OLA1: variants seen among roughly 807,000 people sequenced by gnomAD.
The protein encoded by OLA1 is Obg like ATPase 1.
OLA1 carries 14 observed loss-of-function variants against 48.4 expected under a neutral mutation model. The observed-to-expected ratio is 0.29, with a 90% CI of 0.19 to 0.45. OLA1 has a LOEUF of 0.45. OLA1 is among the 20% of genes least tolerant of loss of function. The pLI is 1.00. For synonymous variants in OLA1, 127 were observed against 150.4 expected (o/e 0.84, Z 1.14); for missense variants, 325 against 467.1 (o/e 0.70, Z 2.80).
intron 7 of OLA1, among the ~76,000 whole-genome samples, chr2:174,092,127 C>CA (rs10542498): frequency 0.1 from 8,667 of 84,518 alleles, 424 homozygotes; most frequent in Non-Finnish European, 0.16. Flanking sequence ...AACTCCATCT[C>CA]AAAAAAAAAA....
intron 7 of OLA1, among the ~76,000 whole-genome samples, chr2:174,096,218 A>T (rs1685252655): frequency 6.6e-6 from 1 of 152,256 alleles, no homozygotes; most frequent in African/African-American, 2.4e-5. Flanking sequence ...AATAGCCTCA[A>T]TAGGCAAATC....
chr2:174,238,298 C>CCAG (rs1422191974), intron 2 of OLA1, among the ~76,000 whole-genome samples: 3 of 152,046 alleles, frequency 2.0e-5, no homozygotes, highest in Admixed American at 6.6e-5. Context: ...GAGTTTGAGA[C>CCAG]CAGCCTGGGT....
intron 4 of OLA1, among the ~76,000 whole-genome samples, chr2:174,185,990 G>A (rs1687649392): frequency 6.6e-6 from 1 of 151,976 alleles, no homozygotes. Flanking sequence ...TTACATAAGA[G>A]AATAACACAT....
intron 5 of OLA1, among the ~76,000 whole-genome samples, chr2:174,140,821 T>C (rs928597001): frequency 2.0e-5 from 3 of 152,238 alleles, no homozygotes; most frequent in African/African-American, 7.2e-5. Context: ...AATTGGTTGA[T>C]AATTACCCCA....
Position 174,074,507 on chromosome 2 carries a change from T to A in OLA1, c.*919A>T, listed in dbSNP as rs926449909. 1.3e-5 allele frequency: 2 copies of A among 152,172 alleles called. No homozygotes were observed. The highest frequency in any genetic ancestry group is 2.9e-5 in the Non-Finnish European group (2 of 68,032). 9.4% of individuals were successfully genotyped at this position (152,172 alleles called of 1,614,324 possible). A position where few individuals can be genotyped will look rare whatever the true frequency, so the allele number is the denominator to read the frequency against. On this transcript the variant is annotated 3_prime_UTR_variant, in exon 11 of 11. Coordinates refer to ENST00000284719, the MANE Select transcript of OLA1 (RefSeq NM_013341.5). ...AGTAAGAATGAAAGAATTTTTAAAA[T>A]TTTCAAAGTCTGATCTTAGTATTTC...
At chr2:174,228,449 A>G (rs1688659858) in intron 3 of OLA1, among the ~76,000 whole-genome samples, 1 of 152,168 alleles carries the variant, frequency 6.6e-6, no homozygotes, top group Non-Finnish European at 1.5e-5. Context: ...ATGGAAGGAT[A>G]TATCCCCAAA....
chr2:174,215,106 T>C lies in OLA1; in HGVS notation c.373+7927A>G, dbSNP rs959993104. Among the ~76,000 whole-genome samples, 5 of 151,686 alleles carry C rather than the reference T, an allele frequency of 3.3e-5. No individual in the cohort carries two copies. In the South Asian group the frequency reaches 1.0e-3, roughly 32 times the overall value. ...TTCGGAAGAAAATAAGAGCAATATT[T>C]CCAAAACAACAAGAATGAAAAGAAC... On this transcript the variant is annotated intron_variant, in intron 4 of 10. Transcript: ENST00000284719.
At chr2:174,116,381 T>C (rs973250467) in intron 7 of OLA1, among the ~76,000 whole-genome samples, 1 of 152,200 alleles carries the variant, frequency 6.6e-6, no homozygotes, top group Non-Finnish European at 1.5e-5. Context: ...GCTTTCTAGG[T>C]CAATTTAGAA....
At chr2:174,235,221 C>G (rs1344368455) in intron 2 of OLA1, among the ~76,000 whole-genome samples, 1 of 152,052 alleles carries the variant, frequency 6.6e-6, no homozygotes, top group Non-Finnish European at 1.5e-5. Context: ...CTAAGGCACA[C>G]AGTTACTGCT....
At chr2:174,114,687 G>A (rs928714236) in intron 7 of OLA1, among the ~76,000 whole-genome samples, 1 of 152,086 alleles carries the variant, frequency 6.6e-6, no homozygotes, top group Non-Finnish European at 1.5e-5. Context: ...GAATACTGAT[G>A]ACTACCCCTT....
chr2:174,158,340 T>C (rs958234801), intron 4 of OLA1, among the ~76,000 whole-genome samples: 1 of 152,086 alleles, frequency 6.6e-6, no homozygotes, highest in Non-Finnish European at 1.5e-5. Context: ...AATGAAACTT[T>C]TGGACCCACA....
chr2:174,220,041 A>C (rs1049026286), intron 4 of OLA1, among the ~76,000 whole-genome samples: 2 of 152,148 alleles, frequency 1.3e-5, no homozygotes, highest in Non-Finnish European at 2.9e-5. Flanking sequence ...TTGAGGCACG[A>C]GAATTGCTAG....
chr2:174,156,556 C>T (rs1686882853), intron 4 of OLA1, among the ~76,000 whole-genome samples: 1 of 145,912 alleles, frequency 6.9e-6, no homozygotes, highest in Admixed American at 6.9e-5. Flanking sequence ...CTTGCTCATG[C>T]TGGCTTGTTT....
At chr2:174,096,261 G>A (rs1685253431) in intron 7 of OLA1, among the ~76,000 whole-genome samples, 1 of 152,170 alleles carries the variant, frequency 6.6e-6, no homozygotes, top group Non-Finnish European at 1.5e-5. Flanking sequence ...GTGGTTACCA[G>A]GGATTAGGTT....
At chr2:174,182,262 C>T (rs767758710) in intron 4 of OLA1, among the ~76,000 whole-genome samples, 1 of 152,162 alleles carries the variant, frequency 6.6e-6, no homozygotes, top group African/African-American at 2.4e-5. Context: ...CGGTGGCTCA[C>T]GCCTGTAATC....
intron 2 of OLA1, among the ~76,000 whole-genome samples, chr2:174,232,845 T>C (rs1688763888): frequency 6.6e-6 from 1 of 152,188 alleles, no homozygotes; most frequent in Non-Finnish European, 1.5e-5. Context: ...GATCCAGCAA[T>C]CTCACTTCTG....
chr2:174,243,986 T>C (rs1689070735), intron 2 of OLA1, among the ~76,000 whole-genome samples: 1 of 152,178 alleles, frequency 6.6e-6, no homozygotes, highest in South Asian at 2.1e-4. Flanking sequence ...CGGATTTCCT[T>C]ACTCAGGAAT....
intron 7 of OLA1, among the ~76,000 whole-genome samples, chr2:174,097,947 A>C (rs999386771): frequency 6.6e-6 from 1 of 152,158 alleles, no homozygotes; most frequent in African/African-American, 2.4e-5. Flanking sequence ...TGTGGGGTAT[A>C]TGTAGTTTCA....
chr2:174,162,007 C>CA (rs1687023256), intron 4 of OLA1, among the ~76,000 whole-genome samples: 1 of 151,876 alleles, frequency 6.6e-6, no homozygotes, highest in African/African-American at 2.4e-5. Flanking sequence ...ACCATGGCAT[C>CA]AAAAAATGAT....
Sources: allele counts gnomAD v4.1 joint callset (sites outside exome capture counted in the v4.1 genomes callset), GRCh38; gene constraint gnomAD v4.1.1; transcripts MANE v1.5; gene names NCBI Gene and HGNC (gene_info 2026-07-23, HGNC 2026-07-21).